The following GRK4 variants were observed in gnomAD, a reference collection of about 807,000 sequenced individuals.
The protein encoded by GRK4 is G protein-coupled receptor kinase 4.
In GRK4, 73 loss-of-function variants were observed where a neutral mutation model predicts 77.9. The observed-to-expected ratio is 0.94, with a 90% CI of 0.78 to 1.14. GRK4 has a LOEUF of 1.14. Ranked by LOEUF, GRK4 falls within the 50% of genes most tolerant of loss-of-function variation. The pLI is 0.00. For synonymous variants in GRK4, 257 were observed against 254.4 expected (o/e 1.01, Z -0.10); for missense variants, 729 against 700.2 (o/e 1.04, Z -0.46).
Position 3,035,610 on chromosome 4 carries a change from T to TG in GRK4, c.1407+93dup, listed in dbSNP as rs34151041. 2.9e-4 allele frequency: 413 copies of TG among 1,432,218 alleles called. 3 individuals are homozygous for TG. Among genetic ancestry groups the TG allele is most frequent in the Middle Eastern group, 2.1e-3 (8 of 3,886 alleles). 88.7% of individuals were successfully genotyped at this position (1,432,218 alleles called of 1,614,324 possible). On this transcript the variant is annotated intron_variant, in intron 13 of 15. Coordinates refer to ENST00000398052, the MANE Select transcript of GRK4 (RefSeq NM_182982.3). ...CTCTTTCTTTTTTCAAAAATAGAGA[T>TG]GGGGGGTCTCACTGTGTTGCCCAGG...
In GRK4 at chr4:2,992,274, T is replaced by C. The variant is rs201617968; in HGVS notation, c.321T>C (p.Asp107=). 4.4e-6 allele frequency: 7 copies of C among 1,604,914 alleles called. No homozygotes were observed. The highest frequency in any genetic ancestry group is 1.3e-5 in the African/African-American group (1 of 74,776). ...GTGATTGTGGACTGTCAATCTTAGA[T>C]AGATTCTTCAATGATAAGGTGTGTT... ...DRSDCGLSIL[D]RFFNDKLAAP... Residue 107 remains aspartate, a synonymous_variant, in exon 4 of 16, where the codon GAT becomes GAC. Coordinates refer to ENST00000398052, the MANE Select transcript of GRK4 (RefSeq NM_182982.3).
chr4:2,982,598 A>G (rs1428641161), intron 1 of GRK4, among the ~76,000 whole-genome samples: 1 of 152,244 alleles, frequency 6.6e-6, no homozygotes, highest in African/African-American at 2.4e-5. Flanking sequence ...TAGAGGGCAA[A>G]ATACTGCATC....
At chr4:3,013,573 A>G in intron 7 of GRK4, 115 bp from the exon 8 acceptor site, 1 of 1,270,316 alleles carries the variant, frequency 7.9e-7, no homozygotes, top group South Asian at 1.5e-5. Flanking sequence ...TCGGCTCCTC[A>G]TGCACTGCTG....
chr4:3,024,387 C>T (rs568890750), intron 10 of GRK4, among the ~76,000 whole-genome samples: 3 of 152,060 alleles, frequency 2.0e-5, no homozygotes, highest in African/African-American at 7.3e-5. Context: ...CTCAGCCTCC[C>T]ACGTAGCTGG....
rs928806558 is a variant in GRK4, at chr4:3,037,461, T to C, written c.1495T>C (p.Phe499Leu). ...GIYLDTADED[F>L]YARFATGCVS... ...CTACCTGGACACCGCAGATGAAGAC[T>C]TCTATGCTCGGTTTGCTACCGGGTG... The change falls in exon 14 of 16, where the codon TTC becomes CTC. Residue 499 changes from phenylalanine to leucine, a missense_variant. Physicochemically the swap from Phe to Leu is conservative, Grantham distance 22. Coordinates refer to ENST00000398052, the MANE Select transcript of GRK4 (RefSeq NM_182982.3). The C allele has an allele frequency of 2.5e-6, 4 of 1,611,596 alleles. No homozygotes were observed. Among genetic ancestry groups the C allele is most frequent in the Non-Finnish European group, 3.4e-6 (4 of 1,178,020 alleles).
Position 2,992,275 on chromosome 4 carries a change from A to C in GRK4, c.322A>C (p.Arg108=), listed in dbSNP as rs142478577. 2.7e-3 allele frequency: 4,284 copies of C among 1,603,298 alleles called. 21 individuals are homozygous for C. The highest frequency in any genetic ancestry group is 7.1e-3 in the Middle Eastern group (43 of 6,026). The change falls in exon 4 of 16, where the codon AGA becomes CGA. Residue 108 remains arginine, a synonymous_variant. Coordinates refer to ENST00000398052, the MANE Select transcript of GRK4 (RefSeq NM_182982.3). Reference sequence around the variant, plus strand: ...TGATTGTGGACTGTCAATCTTAGATAGATTCTTCAATGATAAGGTGTGTTT... The same window carrying C: ...TGATTGTGGACTGTCAATCTTAGATCGATTCTTCAATGATAAGGTGTGTTT... ...RSDCGLSILD[R]FFNDKLAAPL... is the part of the protein sequence containing the mutation.
chr4:2,978,311 C>T (rs1397534575), intron 1 of GRK4, among the ~76,000 whole-genome samples: 2 of 152,096 alleles, frequency 1.3e-5, no homozygotes, highest in East Asian at 1.9e-4. Context: ...AAAACTTGGT[C>T]TGATAGGATT....
intron 8 of GRK4, among the ~76,000 whole-genome samples, chr4:3,019,393 A>G (rs1393495253): frequency 6.6e-6 from 1 of 152,170 alleles, no homozygotes; most frequent in Non-Finnish European, 1.5e-5. Context: ...ATCTTGGTGA[A>G]GTTTCGCCAC....
chr4:2,998,858 CA>C (rs752980195), intron 4 of GRK4, among the ~76,000 whole-genome samples: 4 of 151,568 alleles, frequency 2.6e-5, no homozygotes, highest in Non-Finnish European at 5.9e-5. Flanking sequence ...CAGAAATTAA[CA>C]AGCAAGCTAA....
In GRK4 at chr4:3,022,547, A is replaced by G. The variant is rs1447567219; in HGVS notation, c.970+96A>G. 4.7e-6 allele frequency: 5 copies of G among 1,059,966 alleles called. No individual in the cohort carries two copies. In the East Asian group the frequency reaches 9.7e-5, roughly 21 times the overall value. The allele number at this position is 1,059,966 out of a possible 1,614,324, so 65.7% of individuals were successfully genotyped here. A position where few individuals can be genotyped will look rare whatever the true frequency, so the allele number is the denominator to read the frequency against. ...GCAGAAAGTGGACTTAATGATTAGG[A>G]GAGAATGGAAACAATAACAAAAAGA... On this transcript the variant is annotated intron_variant, in intron 10 of 15. Coordinates refer to ENST00000398052, the MANE Select transcript of GRK4 (RefSeq NM_182982.3).
chr4:3,028,145 C>T, intron 11 of GRK4, 144 bp downstream of exon 11: 1 of 696,318 alleles, frequency 1.4e-6, no homozygotes, highest in Non-Finnish European at 2.5e-6. Context: ...AATCTCTAAC[C>T]TGTCAGAGTG....
intron 1 of GRK4, among the ~76,000 whole-genome samples, chr4:2,984,270 G>A (rs1188270288): frequency 6.6e-6 from 1 of 152,154 alleles, no homozygotes; most frequent in Non-Finnish European, 1.5e-5. Context: ...TTACAGATTT[G>A]GAAACTGAGG....
chr4:3,039,178 T>C (rs1257521711), intron 15 of GRK4, among the ~76,000 whole-genome samples: 1 of 152,030 alleles, frequency 6.6e-6, no homozygotes, highest in Non-Finnish European at 1.5e-5. Flanking sequence ...ATCGTGCCAC[T>C]GTACTCCAGC....
intron 11 of GRK4, among the ~76,000 whole-genome samples, chr4:3,028,811 G>T (rs902050149): frequency 1.3e-5 from 2 of 148,506 alleles, no homozygotes; most frequent in African/African-American, 5.0e-5. Context: ...TCACTCAGTC[G>T]CCCAGGCTAG....
intron 4 of GRK4, among the ~76,000 whole-genome samples, chr4:3,003,047 A>G (rs1454242213): frequency 6.6e-6 from 1 of 152,184 alleles, no homozygotes; most frequent in East Asian, 1.9e-4. Context: ...ATCTCACAGA[A>G]CTGAAATTCT....
chr4:3,006,549 G>C (rs1443753372), intron 5 of GRK4, among the ~76,000 whole-genome samples: 1 of 152,018 alleles, frequency 6.6e-6, no homozygotes, highest in Non-Finnish European at 1.5e-5. Context: ...GGAGGCCAAG[G>C]CAGAAGGATT....
chr4:3,040,486 A>G, intron 15 of GRK4, 86 bp from the exon 16 acceptor site: 1 of 1,064,952 alleles, frequency 9.4e-7, no homozygotes, highest in Non-Finnish European at 1.3e-6. Context: ...CCCCCCACCC[A>G]AAAGTTTGTA....
chr4:2,970,184 TATCA>T (rs1719060305), intron 1 of GRK4, among the ~76,000 whole-genome samples: 1 of 152,236 alleles, frequency 6.6e-6, no homozygotes, highest in Non-Finnish European at 1.5e-5. Flanking sequence ...TTTGGGATGC[TATCA>T]ATCAGCCAGG....
intron 12 of GRK4, 107 bp from the exon 13 acceptor site, chr4:3,035,279 G>C: frequency 9.4e-7 from 1 of 1,066,916 alleles, no homozygotes; most frequent in East Asian, 2.4e-5. Context: ...TTTGTTAGAT[G>C]CACCTGCTCT....
Sources: allele counts gnomAD v4.1 joint callset (sites outside exome capture counted in the v4.1 genomes callset), GRCh38; gene constraint gnomAD v4.1.1; transcripts MANE v1.5; gene names NCBI Gene and HGNC (gene_info 2026-07-23, HGNC 2026-07-21).